Variants in SCN3A observed in about 807,000 individuals in gnomAD.
The protein encoded by SCN3A is sodium voltage-gated channel alpha subunit 3.
In SCN3A, 60 loss-of-function variants were observed where a neutral mutation model predicts 187.6. That is an observed-to-expected ratio of 0.32 (90% confidence interval 0.26 to 0.40). SCN3A has a LOEUF of 0.40. SCN3A is among the 10% of genes least tolerant of loss of function. SCN3A has a pLI of 1.00. For synonymous variants in SCN3A, 788 were observed against 829.2 expected, an observed-to-expected ratio of 0.95 and a Z score of 0.85; for missense variants, 1,601 against 2,428.2, an observed-to-expected ratio of 0.66 and a Z score of 7.16.
intron 22 of SCN3A, among the ~76,000 whole-genome samples, chr2:165,099,682 A>C (rs1053185475): frequency 9.9e-5 from 15 of 152,158 alleles, no homozygotes; most frequent in Admixed American, 8.5e-4. Flanking sequence ...GCACCACTGC[A>C]CTCCAGCCTG....
Position 165,129,697 on chromosome 2 carries a change from A to G in SCN3A, c.2922+243T>C, listed in dbSNP as rs541703074. The stretch of plus-strand genomic sequence containing the variant: ...TATTTATGCCCCCAGGCATTCATAA[A>G]TACATCTGATTTAATCTTTGCATTA... On this transcript the variant is annotated intron_variant, in intron 17 of 27. Transcript: ENST00000283254. 1.4e-3 allele frequency among the ~76,000 whole-genome samples: 215 copies of G among 152,332 alleles called. 1 individual carries two copies. The highest frequency in any genetic ancestry group is 2.0e-3 in the Non-Finnish European group (137 of 68,030).
chr2:165,155,637 G>C, intron 10 of SCN3A, 125 bp downstream of exon 10: 1 of 1,014,722 alleles, frequency 9.9e-7, no homozygotes, highest in Admixed American at 2.0e-5. Context: ...GGACTCAAGT[G>C]ATCCATCCGC....
intron 5 of SCN3A, among the ~76,000 whole-genome samples, chr2:165,165,307 A>G (rs1264039315): frequency 6.6e-6 from 1 of 151,402 alleles, no homozygotes; most frequent in Non-Finnish European, 1.5e-5. Context: ...GTGTGTATAT[A>G]TTATCATATG....
chr2:165,156,503 ACT>A (rs1233820978), intron 9 of SCN3A, among the ~76,000 whole-genome samples: 18 of 102,668 alleles, frequency 1.8e-4, no homozygotes, highest in African/African-American at 6.5e-4. Flanking sequence ...ACAGAGCGAG[ACT>A]CTGACTCAAA....
Position 165,155,903 on chromosome 2 carries a change from G to A in SCN3A, c.1032C>T (p.Gly344=), listed in dbSNP as rs750492895. 3.7e-6 allele frequency: 6 copies of A among 1,613,954 alleles called. No homozygotes were observed. Among genetic ancestry groups the A allele is most frequent in the Non-Finnish European group, 3.4e-6 (4 of 1,179,958 alleles). Reference sequence around the variant, plus strand: ...CACAGATGTATCCTTCTGGACACTGGCTATAAGAGAGAGAAATGGAGGTAG... The same window carrying A: ...CACAGATGTATCCTTCTGGACACTGACTATAAGAGAGAGAAATGGAGGTAG... The part of the protein sequence containing the change: ...PLLCGNGSDA[G]QCPEGYICVK... Residue 344 remains glycine, a splice_region_variant and synonymous_variant, in exon 10 of 28, where the codon GGC becomes GGT. Coordinates refer to ENST00000283254, the MANE Select transcript of SCN3A (RefSeq NM_006922.4).
chr2:165,152,651 G>A (rs1293240910), intron 11 of SCN3A, among the ~76,000 whole-genome samples: 1 of 152,128 alleles, frequency 6.6e-6, no homozygotes, highest in African/African-American at 2.4e-5. Flanking sequence ...TCGCCACACT[G>A]TCTTCCACAA....
At chr2:165,195,058 G>A (rs543288370) in intron 1 of SCN3A, 1 of 152,158 alleles carries the variant, frequency 6.6e-6, no homozygotes, top group Admixed American at 6.6e-5. Flanking sequence ...TTCTTTTGAG[G>A]CTAAAGGAGA....
At chr2:165,188,324 C>T (rs774920448) in intron 1 of SCN3A, among the ~76,000 whole-genome samples, 3 of 151,986 alleles carry the variant, frequency 2.0e-5, no homozygotes, top group East Asian at 1.9e-4. Flanking sequence ...CATGGGAAAT[C>T]GCAGTGATTC....
intron 21 of SCN3A, among the ~76,000 whole-genome samples, chr2:165,108,291 A>G (rs1439914449): frequency 6.6e-6 from 1 of 152,082 alleles, no homozygotes; most frequent in Non-Finnish European, 1.5e-5. Context: ...AATGTCAAGA[A>G]CTAAGGCAGG....
chr2:165,183,283 T>C (rs1048213342), intron 2 of SCN3A, among the ~76,000 whole-genome samples: 1 of 152,224 alleles, frequency 6.6e-6, no homozygotes, highest in Non-Finnish European at 1.5e-5. Context: ...TAATCTCCTC[T>C]AAAATGTCTA....
intron 21 of SCN3A, among the ~76,000 whole-genome samples, chr2:165,106,260 C>CT (rs1196320577): frequency 2.6e-5 from 4 of 152,222 alleles, no homozygotes; most frequent in Admixed American, 2.0e-4. Context: ...GGTGATCTCT[C>CT]TAAGTTTATT....
At chr2:165,114,405 C>G (rs542042820) in intron 19 of SCN3A, among the ~76,000 whole-genome samples, 2 of 152,286 alleles carry the variant, frequency 1.3e-5, no homozygotes, top group African/African-American at 4.8e-5. Context: ...AGGCATCAGC[C>G]ACTGTCAATT....
rs1247006755 is a variant in SCN3A, at chr2:165,140,686, C to T, written c.1984G>A (p.Ala662Thr). 1 of 1,613,906 alleles carries T rather than the reference C, an allele frequency of 6.2e-7. No individual in the cohort carries two copies. Among genetic ancestry groups the T allele is most frequent in the Non-Finnish European group, 8.5e-7 (1 of 1,179,998 alleles). The change falls in exon 13 of 28, where the codon GCT (alanine) becomes ACT (threonine). Residue 662 changes from alanine to threonine, a missense_variant. Transcript: ENST00000283254. This position sits in a 1 kb window ranked among gnomAD's most constrained non-coding sequence, Gnocchi z 4.2. ...AGTTGTCCAGTAGGTGACGTTAGAG[C>T]TGAAGGTCCACCCACCAAGGAAACC... ...GVVSLVGGPS[A>T]LTSPTGQLPP...
chr2:165,100,556 T>C, intron 21 of SCN3A, 132 bp from the exon 22 acceptor site: 1 of 830,706 alleles, frequency 1.2e-6, no homozygotes, highest in Non-Finnish European at 1.9e-6. Flanking sequence ...ATCTTCCACA[T>C]AGTGGGGTCA....
chr2:165,190,489 C>A (rs1383048306), intron 1 of SCN3A, among the ~76,000 whole-genome samples: 2 of 147,794 alleles, frequency 1.4e-5, no homozygotes, highest in Non-Finnish European at 3.0e-5. Context: ...TCCTATTGCA[C>A]AAAGATATAT....
chr2:165,174,001 C>T lies in SCN3A; in HGVS notation c.264+2130G>A, dbSNP rs184650700. On this transcript the variant is annotated intron_variant, in intron 3 of 27. Transcript: ENST00000283254. The stretch of plus-strand genomic sequence containing the variant: ...CAATTCTGTTTTTTAGTGGCAGACT[C>T]ACATTAACCAAACTTGAAAACCTGA... 7.3e-3 allele frequency among the ~76,000 whole-genome samples: 1,113 copies of T among 152,276 alleles called. 6 individuals carry two copies. The highest frequency in any genetic ancestry group is 0.012 in the Non-Finnish European group (798 of 68,012).
chr2:165,187,062 T>TTGCTTCCTCCTCTCCTCTTCCCTCC (rs1469284430), intron 1 of SCN3A, among the ~76,000 whole-genome samples: 6 of 152,118 alleles, frequency 3.9e-5, no homozygotes, highest in African/African-American at 1.4e-4. Flanking sequence ...TTCTTCCCTC[T>TTGCTTCCTCCTCTCCTCTTCCCTCC]TGCTTCCTTC....
intron 9 of SCN3A, among the ~76,000 whole-genome samples, chr2:165,160,757 C>T (rs1559246352): frequency 1.3e-5 from 2 of 148,866 alleles, no homozygotes; most frequent in African/African-American, 5.1e-5. Flanking sequence ...TATTGTGCCT[C>T]AGCCTCCAGA....
Position 165,092,613 on chromosome 2 carries a change from C to T in SCN3A, c.4537-89G>A, listed in dbSNP as rs180993842. On this transcript the variant is annotated intron_variant, in intron 26 of 27. Coordinates refer to ENST00000283254, the MANE Select transcript of SCN3A (RefSeq NM_006922.4). This position sits in a 1 kb window ranked among gnomAD's most constrained non-coding sequence, Gnocchi z 4.2. The stretch of plus-strand genomic sequence containing the variant: ...ATTGTAGATAAAGCCCTTCCACATA[C>T]GGGATGGATGTGCACCCTCCTCATA... 288 of 1,239,422 alleles carry T rather than the reference C, an allele frequency of 2.3e-4. No homozygotes were observed. Among genetic ancestry groups the T allele is most frequent in the African/African-American group, 1.3e-3 (89 of 66,648 alleles). 76.8% of individuals were successfully genotyped at this position (1,239,422 alleles called of 1,614,324 possible).
Sources: allele counts gnomAD v4.1 joint callset (sites outside exome capture counted in the v4.1 genomes callset), GRCh38; gene constraint gnomAD v4.1.1; non-coding constraint Gnocchi (gnomAD v3.1); transcripts MANE v1.5; gene names NCBI Gene and HGNC (gene_info 2026-07-23, HGNC 2026-07-21).